Variants in TRPM3 observed in about 807,000 individuals in gnomAD.
TRPM3 encodes the protein long transient receptor potential channel 3.
Under a neutral mutation model 181.2 loss-of-function variants are expected in TRPM3, and 77 were observed. The observed-to-expected ratio is 0.42, with a 90% CI of 0.35 to 0.51. TRPM3 has a LOEUF of 0.51. Ranked by LOEUF, TRPM3 falls within the 20% of genes least tolerant of loss-of-function variation. TRPM3 has a pLI of 0.01. For synonymous variants in TRPM3, 745 were observed against 796.4 expected (o/e 0.94, Z 1.09); for missense variants, 1,759 against 2,196.7 (o/e 0.80, Z 3.98).
At chr9:70,945,229 G>A (rs976386164) in intron 1 of TRPM3, among the ~76,000 whole-genome samples, 1 of 152,158 alleles carries the variant, frequency 6.6e-6, no homozygotes, top group Non-Finnish European at 1.5e-5. Flanking sequence ...GCCAGTCACT[G>A]TCTCATCATC....
At chr9:71,052,099 G>A (rs2060129303) in intron 1 of TRPM3, among the ~76,000 whole-genome samples, 1 of 152,074 alleles carries the variant, frequency 6.6e-6, no homozygotes, top group South Asian at 2.1e-4. Flanking sequence ...GTTAATGGTA[G>A]ATCAAAGATT....
intron 5 of TRPM3, among the ~76,000 whole-genome samples, chr9:70,833,149 TG>T (rs1416324990): frequency 6.6e-6 from 1 of 152,206 alleles, no homozygotes; most frequent in African/African-American, 2.4e-5. Flanking sequence ...CGCAGAATAG[TG>T]ACCTTTAATG....
In TRPM3 at chr9:70,921,574, T is replaced by G. The variant is rs554786059; in HGVS notation, c.178-57063A>C. Among the ~76,000 whole-genome samples the G allele has an allele frequency of 1.9e-3, 284 of 152,272 alleles. 1 individual carries two copies. The highest frequency in any genetic ancestry group is 6.6e-3 in the African/African-American group (274 of 41,546). ...TGGGGAGAAGAGGTTGTTACTCCCT[T>G]AGTGAAGTTTTAGACTCAAGTGAGT... On this transcript the variant is annotated intron_variant, in intron 1 of 25. Transcript: ENST00000677713.
intron 1 of TRPM3, among the ~76,000 whole-genome samples, chr9:71,109,580 GA>G: frequency 6.6e-6 from 1 of 152,126 alleles, no homozygotes; most frequent in Non-Finnish European, 1.5e-5. Flanking sequence ...CTAAGACTCA[GA>G]AAAGTTTTCT....
chr9:71,172,107 G>A (rs1045359279), intron 1 of TRPM3, among the ~76,000 whole-genome samples: 2 of 151,854 alleles, frequency 1.3e-5, no homozygotes, highest in African/African-American at 4.8e-5. Context: ...TTGCTCTGTC[G>A]CCCAGGCTGA....
At chr9:70,850,867 A>G (rs1438763439) in intron 3 of TRPM3, among the ~76,000 whole-genome samples, 1 of 152,204 alleles carries the variant, frequency 6.6e-6, no homozygotes, top group Non-Finnish European at 1.5e-5. Flanking sequence ...TTATTTATCA[A>G]CTTTAACGTA....
At chr9:70,863,756 T>C (rs901836520) in intron 2 of TRPM3, among the ~76,000 whole-genome samples, 1 of 152,168 alleles carries the variant, frequency 6.6e-6, no homozygotes, top group Non-Finnish European at 1.5e-5. Flanking sequence ...ATAGTTACAA[T>C]ATGTAGCTGC....
chr9:71,128,228 G>A (rs1020489316), intron 1 of TRPM3, among the ~76,000 whole-genome samples: 2 of 152,064 alleles, frequency 1.3e-5, no homozygotes, highest in Admixed American at 1.3e-4. Flanking sequence ...TCCAATAATG[G>A]GGTGTAAAAC....
At chr9:71,251,254 TACAAAGATTAATGCTC>T (rs993453417) in intron 1 of TRPM3, among the ~76,000 whole-genome samples, 2 of 152,152 alleles carry the variant, frequency 1.3e-5, no homozygotes, top group Admixed American at 1.3e-4. Flanking sequence ...AATCAGAAAA[TACAAAGATTAATGCTC>T]ACACTGCCTT....
intron 1 of TRPM3, among the ~76,000 whole-genome samples, chr9:70,921,903 G>T (rs1233698028): frequency 7.1e-6 from 1 of 140,294 alleles, no homozygotes; most frequent in Non-Finnish European, 1.5e-5. Context: ...CTTTAAGATG[G>T]GTTGGCAGCC....
chr9:70,626,957 G>A (rs1405078014), intron 12 of TRPM3, among the ~76,000 whole-genome samples: 1 of 152,050 alleles, frequency 6.6e-6, no homozygotes, highest in East Asian at 1.9e-4. Context: ...CTTATAATAT[G>A]CCTGGCATAT....
chr9:70,873,908 T>TG (rs1470801893), intron 1 of TRPM3, among the ~76,000 whole-genome samples: 1 of 151,958 alleles, frequency 6.6e-6, no homozygotes, highest in Non-Finnish European at 1.5e-5. Flanking sequence ...TATCATTATT[T>TG]GGGGGGTATC....
chr9:70,581,938 T>TC, intron 22 of TRPM3, among the ~76,000 whole-genome samples: 4 of 131,520 alleles, frequency 3.0e-5, no homozygotes, highest in Non-Finnish European at 5.1e-5. Context: ...TTCCCTCCCT[T>TC]TTTTCCTTGT....
intron 6 of TRPM3, among the ~76,000 whole-genome samples, chr9:70,822,759 T>TGTGTG (rs2093280974): frequency 2.0e-5 from 3 of 147,100 alleles, no homozygotes; most frequent in African/African-American, 5.1e-5. Flanking sequence ...AAGATTTGTC[T>TGTGTG]TGTGTGTGTG....
chr9:71,436,299 T>C (rs2094035200), intron 1 of TRPM3, among the ~76,000 whole-genome samples: 1 of 7,364 alleles, frequency 1.4e-4, no homozygotes, highest in African/African-American at 1.7e-4. Context: ...TTTTTCTTTC[T>C]TTTTTTTTTT....
In TRPM3 at chr9:71,056,157, T is replaced by G. The variant is rs567956952; in HGVS notation, c.177+65021A>C. ...AGTTTAAAGCAGTATCAAAACAACA[T>G]CCTTGAGGGCATAATTGGGACTAGA... On this transcript the variant is annotated intron_variant, in intron 1 of 25. Coordinates refer to ENST00000677713, the MANE Select transcript of TRPM3 (RefSeq NM_001366145.2). Among the ~76,000 whole-genome samples the G allele has an allele frequency of 2.0e-5, 3 of 152,078 alleles. No homozygotes were observed. In the South Asian group the frequency reaches 6.2e-4, roughly 32 times the overall value.
chr9:71,260,069 G>A (rs917454247), intron 1 of TRPM3, among the ~76,000 whole-genome samples: 1 of 152,162 alleles, frequency 6.6e-6, no homozygotes, highest in Non-Finnish European at 1.5e-5. Context: ...AAAGTGTAAG[G>A]AAGGGGTCCA....
At chr9:71,138,528 C>T (rs2074906691) in intron 1 of TRPM3, among the ~76,000 whole-genome samples, 1 of 151,954 alleles carries the variant, frequency 6.6e-6, no homozygotes, top group Admixed American at 6.6e-5. Context: ...CTTTTCTAAG[C>T]ATTCTCTCCT....
intron 1 of TRPM3, among the ~76,000 whole-genome samples, chr9:71,003,202 A>AC (rs1554796492): frequency 3.5e-4 from 50 of 141,048 alleles, no homozygotes; most frequent in Admixed American, 2.5e-3. Flanking sequence ...TTAAAAAAAA[A>AC]AAAAAAAAAC....
Sources: gnomAD v4.1 joint callset for allele counts (sites outside exome capture counted in the v4.1 genomes callset) on GRCh38, gnomAD v4.1.1 for gene constraint, MANE v1.5 for transcripts, NCBI Gene and HGNC (gene_info 2026-07-23, HGNC 2026-07-21) for gene names.